Variants in APPBP2 observed in about 807,000 individuals in gnomAD.
APPBP2 encodes the protein amyloid beta precursor protein binding protein 2.
Under a neutral mutation model 76.0 loss-of-function variants are expected in APPBP2, and 15 were observed. The observed-to-expected ratio is 0.20, with a 90% CI of 0.13 to 0.30. The LOEUF is 0.30. APPBP2 is among the 10% of genes least tolerant of loss of function. The pLI is 1.00. For synonymous variants in APPBP2, 222 were observed against 242.2 expected, an observed-to-expected ratio of 0.92 and a Z score of 0.77; for missense variants, 401 against 687.2, an observed-to-expected ratio of 0.58 and a Z score of 4.66.
chr17:60,492,498 C>G (rs1203281663), intron 3 of APPBP2, among the ~76,000 whole-genome samples: 2 of 152,228 alleles, frequency 1.3e-5, no homozygotes, highest in Non-Finnish European at 2.9e-5. Flanking sequence ...TTCAAAGCCA[C>G]AGGGGCGGAG....
At chr17:60,458,278 A>T (rs1181929306) in intron 9 of APPBP2, among the ~76,000 whole-genome samples, 1 of 152,102 alleles carries the variant, frequency 6.6e-6, no homozygotes, top group Non-Finnish European at 1.5e-5. Context: ...TACTAAAAAT[A>T]CAAAAATTAG....
chr17:60,467,094 C>T (rs1157665192), intron 4 of APPBP2, among the ~76,000 whole-genome samples: 3 of 152,130 alleles, frequency 2.0e-5, no homozygotes, highest in Admixed American at 2.0e-4. Context: ...TAGCAACAGA[C>T]TGTGTATCTA....
chr17:60,506,961 G>C (rs1031692015), intron 1 of APPBP2, among the ~76,000 whole-genome samples: 2 of 152,112 alleles, frequency 1.3e-5, no homozygotes, highest in Admixed American at 6.5e-5. Context: ...TCTTGAACCT[G>C]GGAGGCAGAG....
At chr17:60,495,801 T>C (rs1028311043) in intron 2 of APPBP2, among the ~76,000 whole-genome samples, 2 of 152,116 alleles carry the variant, frequency 1.3e-5, no homozygotes, top group East Asian at 1.9e-4. Flanking sequence ...CTCAAGAGAA[T>C]TGAGACTATA....
chr17:60,454,802 C>T (rs1021293777), intron 10 of APPBP2, among the ~76,000 whole-genome samples: 17 of 152,114 alleles, frequency 1.1e-4, no homozygotes, highest in Admixed American at 9.2e-4. Flanking sequence ...TCAAATTAAA[C>T]GGAAGCACAA....
At chr17:60,482,003 C>T (rs903841411) in intron 3 of APPBP2, among the ~76,000 whole-genome samples, 3 of 152,280 alleles carry the variant, frequency 2.0e-5, no homozygotes, top group East Asian at 3.9e-4. Context: ...CTACCTCAGC[C>T]TCCTGAGTAG....
intron 3 of APPBP2, among the ~76,000 whole-genome samples, chr17:60,488,066 C>T (rs906943703): frequency 6.6e-6 from 1 of 152,232 alleles, no homozygotes; most frequent in Non-Finnish European, 1.5e-5. Context: ...GCAAATATTG[C>T]TGCCTGATCC....
intron 1 of APPBP2, among the ~76,000 whole-genome samples, chr17:60,522,291 A>T (rs1228311439): frequency 9.9e-5 from 15 of 152,144 alleles, no homozygotes. Flanking sequence ...CTCCTAATTC[A>T]TGACAATCAT....
At position 60,447,376 on chromosome 17, in the gene APPBP2, C is replaced by T; in HGVS notation, c.*205G>A. On this transcript the variant is annotated 3_prime_UTR_variant, in exon 13 of 13. Transcript: ENST00000083182. Reference sequence around the variant, plus strand: ...GAAAATGTGGGCCAGACTACTTACACATGCGGTACATGCTGAATATAACTG... The same window carrying T: ...GAAAATGTGGGCCAGACTACTTACATATGCGGTACATGCTGAATATAACTG... The T allele has an allele frequency of 2.3e-6, 1 of 440,154 alleles. No individual in the cohort carries two copies. 27.3% of individuals were successfully genotyped at this position (440,154 alleles called of 1,614,324 possible).
At chr17:60,509,292 T>A (rs763804649) in intron 1 of APPBP2, among the ~76,000 whole-genome samples, 2 of 151,930 alleles carry the variant, frequency 1.3e-5, no homozygotes, top group African/African-American at 4.8e-5. Context: ...GGCAGGAGAA[T>A]TGCTTGAACC....
At chr17:60,454,728 G>A (rs1031620181) in intron 10 of APPBP2, among the ~76,000 whole-genome samples, 1 of 152,020 alleles carries the variant, frequency 6.6e-6, no homozygotes, top group Non-Finnish European at 1.5e-5. Flanking sequence ...TGGTATAAAC[G>A]ATTTTGCAGA....
intron 2 of APPBP2, among the ~76,000 whole-genome samples, chr17:60,499,432 G>C (rs575380543): frequency 6.6e-6 from 1 of 152,218 alleles, no homozygotes; most frequent in Admixed American, 6.5e-5. Context: ...CCAGCTAGCA[G>C]AGAGGCTGAA....
chr17:60,515,421 T>C (rs1206679092), intron 1 of APPBP2, among the ~76,000 whole-genome samples: 2 of 152,184 alleles, frequency 1.3e-5, no homozygotes, highest in African/African-American at 4.8e-5. Context: ...CAGCCTATTT[T>C]AACATTTTTA....
intron 4 of APPBP2, among the ~76,000 whole-genome samples, chr17:60,472,672 C>T (rs1211024887): frequency 6.6e-6 from 1 of 152,178 alleles, no homozygotes; most frequent in Non-Finnish European, 1.5e-5. Flanking sequence ...AGCAATCTTA[C>T]AAGCACTGGA....
chr17:60,518,068 C>CGT lies in APPBP2; in HGVS notation c.138+7725_138+7726insAC, dbSNP rs1418644039. ...TTTTTTAAAGTGTTCTTACAATTTC[C>CGT]TTTTTTTTTTTTTTTTTGAGACAGT... On this transcript the variant is annotated intron_variant, in intron 1 of 12. Transcript: ENST00000083182. Among the ~76,000 whole-genome samples the CGT allele has an allele frequency of 1.0e-3, 125 of 122,354 alleles. 1 individual carries two copies. Among genetic ancestry groups the CGT allele is most frequent in the African/African-American group, 3.3e-3 (118 of 36,172 alleles). The allele number at this position is 122,354 out of a possible 152,430, so 80.3% of individuals were successfully genotyped here. A position where few individuals can be genotyped will look rare whatever the true frequency, so the allele number is the denominator to read the frequency against.
intron 9 of APPBP2, chr17:60,460,439 A>G (rs754126786): frequency 2.6e-5 from 7 of 270,298 alleles, no homozygotes; most frequent in Non-Finnish European, 4.7e-5. Flanking sequence ...AGCCTCCCAA[A>G]GTGCTGGGAT....
intron 1 of APPBP2, among the ~76,000 whole-genome samples, chr17:60,524,329 A>G (rs892680004): frequency 1.3e-5 from 2 of 152,200 alleles, no homozygotes; most frequent in Non-Finnish European, 2.9e-5. Flanking sequence ...GAGCACACAC[A>G]AAGCTGCAGT....
chr17:60,501,541 C>A (rs539991522), intron 1 of APPBP2, among the ~76,000 whole-genome samples: 9 of 152,170 alleles, frequency 5.9e-5, no homozygotes, highest in South Asian at 2.1e-4. Flanking sequence ...GGATTACAGG[C>A]ATGCATCACC....
rs1199917610 is a variant in APPBP2 at position 60,445,437 on chromosome 17, T to C, written c.*2144A>G. On this transcript the variant is annotated 3_prime_UTR_variant, in exon 13 of 13. Coordinates refer to ENST00000083182, the MANE Select transcript of APPBP2 (RefSeq NM_006380.5). Reference sequence around the variant, plus strand: ...GCTGTATGTGCACAAAACCAAAAAATACAGATTGAAAAAAAAACTTCATAT... The same window carrying C: ...GCTGTATGTGCACAAAACCAAAAAACACAGATTGAAAAAAAAACTTCATAT... The C allele has an allele frequency of 6.7e-6, 1 of 148,762 alleles. No homozygotes were observed. Among genetic ancestry groups the C allele is most frequent in the African/African-American group, 2.6e-5 (1 of 37,832 alleles). The allele number at this position is 148,762 out of a possible 1,614,324, so 9.2% of individuals were successfully genotyped here.
Sources: gnomAD v4.1 joint callset for allele counts (sites outside exome capture counted in the v4.1 genomes callset) on GRCh38, gnomAD v4.1.1 for gene constraint, MANE v1.5 for transcripts, NCBI Gene and HGNC (gene_info 2026-07-23, HGNC 2026-07-21) for gene names.